The following CSMD1 variants were observed in gnomAD, a reference collection of about 807,000 sequenced individuals.
CSMD1 encodes the protein CUB and Sushi multiple domains 1.
Under a neutral mutation model 417.5 loss-of-function variants are expected in CSMD1, and 213 were observed. The ratio of observed to expected loss-of-function variants is 0.51; its 90% CI spans 0.46 to 0.57. CSMD1 has a LOEUF of 0.57. Ranked by LOEUF, CSMD1 falls within the 20% of genes least tolerant of loss-of-function variation. The pLI is 0.00. For synonymous variants in CSMD1, 2,862 were observed against 1,736.8 expected (o/e 1.65, Z -16.11); for missense variants, 6,923 against 4,529.7 (o/e 1.53, Z -15.17).
intron 1 of CSMD1, among the ~76,000 whole-genome samples, chr8:4,751,067 T>A (rs1440350652): frequency 6.6e-6 from 1 of 152,184 alleles, no homozygotes; most frequent in East Asian, 1.9e-4. Context: ...CAGGTAAAGT[T>A]TGATATACAT....
intron 3 of CSMD1, among the ~76,000 whole-genome samples, chr8:4,074,201 A>T (rs568066877): frequency 2.0e-5 from 3 of 152,218 alleles, no homozygotes; most frequent in African/African-American, 4.8e-5. Flanking sequence ...TCACTATGCT[A>T]AATTGTACAC....
intron 7 of CSMD1, among the ~76,000 whole-genome samples, chr8:3,624,592 G>A (rs1321315602): frequency 6.6e-6 from 1 of 152,146 alleles, no homozygotes; most frequent in Non-Finnish European, 1.5e-5. Flanking sequence ...TCAGAGAGGT[G>A]ACGTATGTTT....
At chr8:4,220,162 G>C (rs1477362204) in intron 3 of CSMD1, among the ~76,000 whole-genome samples, 1 of 152,220 alleles carries the variant, frequency 6.6e-6, no homozygotes, top group African/African-American at 2.4e-5. Context: ...TGTCGGCCAA[G>C]CTCGTCTTGA....
At chr8:3,139,780 A>G (rs910411409) in intron 41 of CSMD1, among the ~76,000 whole-genome samples, 3 of 152,182 alleles carry the variant, frequency 2.0e-5, no homozygotes, top group Non-Finnish European at 4.4e-5. Context: ...TTTCATGGAT[A>G]GTAGCTGAAA....
Position 3,900,530 on chromosome 8 carries a change from G to T in CSMD1, c.818+97373C>A, listed in dbSNP as rs539653049. Reference sequence around the variant, plus strand: ...GTAGAGCTGGATGACACTACAGCTGGGTGACAGTGAAGCTAGGTGACAGTG... The same window carrying T: ...GTAGAGCTGGATGACACTACAGCTGTGTGACAGTGAAGCTAGGTGACAGTG... On this transcript the variant is annotated intron_variant, in intron 5 of 69. Coordinates refer to ENST00000635120, the MANE Select transcript of CSMD1 (RefSeq NM_033225.6). Among the ~76,000 whole-genome samples the T allele has an allele frequency of 2.5e-3, 354 of 141,012 alleles. 1 individual carries two copies. Among genetic ancestry groups the T allele is most frequent in the African/African-American group, 0.011 (337 of 30,964 alleles). The allele number at this position is 141,012 out of a possible 152,430, so 92.5% of individuals were successfully genotyped here.
Position 4,600,287 on chromosome 8 carries a change from T to C in CSMD1, c.302+37055A>G, listed in dbSNP as rs144295959. Among the ~76,000 whole-genome samples the C allele has an allele frequency of 2.1e-3, 316 of 152,178 alleles. 1 individual carries two copies. The highest frequency in any genetic ancestry group is 3.5e-3 in the Non-Finnish European group (236 of 67,988). On this transcript the variant is annotated intron_variant, in intron 2 of 69. Transcript: ENST00000635120. ...CTGGATTTGACTTCCAGGTTGACCT[T>C]AGGTACTCTATGTAGCAAATATAGA...
intron 3 of CSMD1, among the ~76,000 whole-genome samples, chr8:4,174,533 C>A (rs1359904168): frequency 6.6e-6 from 1 of 150,694 alleles, no homozygotes; most frequent in Admixed American, 6.6e-5. Context: ...CCATGTCCAC[C>A]CACCTCTCAA....
intron 3 of CSMD1, among the ~76,000 whole-genome samples, chr8:4,070,652 C>T (rs112866541): frequency 9.8e-4 from 149 of 152,184 alleles, no homozygotes; most frequent in African/African-American, 3.2e-3. Context: ...CCACCGTGCC[C>T]GGCCACCACC....
At chr8:4,217,007 T>C (rs868446449) in intron 3 of CSMD1, among the ~76,000 whole-genome samples, 2 of 152,172 alleles carry the variant, frequency 1.3e-5, no homozygotes, top group South Asian at 2.1e-4. Context: ...ACTAGAATTG[T>C]CTTGTGTCTC....
In CSMD1 at chr8:4,303,452, T is replaced by G. The variant is rs1204779194; in HGVS notation, c.415+116501A>C. Reference sequence around the variant, plus strand: ...TTTTTTTTTTTTTTTTTTTTTTTTTTTTTTGAGTTCTCTGTGCTGAGCTCA... The same window carrying G: ...TTTTTTTTTTTTTTTTTTTTTTTTTGTTTTGAGTTCTCTGTGCTGAGCTCA... On this transcript the variant is annotated intron_variant, in intron 3 of 69. Transcript: ENST00000635120. Among the ~76,000 whole-genome samples, 10 of 27,012 alleles carry G rather than the reference T, an allele frequency of 3.7e-4. No homozygotes were observed. The Admixed American group carries it at 4.5e-3, about 12-fold the overall frequency. 17.7% of individuals were successfully genotyped at this position (27,012 alleles called of 152,430 possible).
At chr8:3,113,304 C>T (rs1419820354) in intron 42 of CSMD1, 1 of 152,262 alleles carries the variant, frequency 6.6e-6, no homozygotes, top group Non-Finnish European at 1.5e-5. Flanking sequence ...AGGCTACACT[C>T]CCTCCACTCT....
intron 62 of CSMD1, 114 bp downstream of exon 62, chr8:2,961,027 C>A (rs1803429706): frequency 2.3e-6 from 1 of 427,096 alleles, no homozygotes; most frequent in Non-Finnish European, 3.7e-6. Context: ...GAATTTTATT[C>A]AGGTAAATAT....
At chr8:4,941,455 T>G (rs1563823839) in intron 1 of CSMD1, among the ~76,000 whole-genome samples, 1 of 152,186 alleles carries the variant, frequency 6.6e-6, no homozygotes, top group African/African-American at 2.4e-5. Flanking sequence ...GTACAACAAG[T>G]GTGCCACAAT....
intron 5 of CSMD1, among the ~76,000 whole-genome samples, chr8:3,968,884 A>G (rs2130058149): frequency 6.6e-6 from 1 of 152,326 alleles, no homozygotes; most frequent in Admixed American, 6.5e-5. Flanking sequence ...TGCAAGAAAG[A>G]TTCATGTAAT....
At chr8:4,126,445 T>C (rs771577378) in intron 3 of CSMD1, among the ~76,000 whole-genome samples, 21 of 152,076 alleles carry the variant, frequency 1.4e-4, no homozygotes, top group East Asian at 3.9e-4. Flanking sequence ...CAAACCAACA[T>C]AGTAACATAG....
chr8:4,425,009 A>C (rs948611605), intron 2 of CSMD1, among the ~76,000 whole-genome samples: 8 of 152,094 alleles, frequency 5.3e-5, no homozygotes, highest in African/African-American at 1.9e-4. Context: ...TTAATAACAA[A>C]ACATTAAATT....
At chr8:4,314,030 T>G (rs924370793) in intron 3 of CSMD1, among the ~76,000 whole-genome samples, 1 of 150,586 alleles carries the variant, frequency 6.6e-6, no homozygotes, top group Admixed American at 6.6e-5. Context: ...ATAATAATAA[T>G]AATAATGATA....
rs1046849054 is a variant in CSMD1 at position 4,628,341 on chromosome 8, C to CAT, written c.302+8999_302+9000dup. ...GTTTTAGGAAGTCCAATTTTTCACT[C>CAT]ATATATATATACTTCTATGTATGTG... On this transcript the variant is annotated intron_variant, in intron 2 of 69. Transcript: ENST00000635120. Among the ~76,000 whole-genome samples the CAT allele has an allele frequency of 4.7e-5, 7 of 149,768 alleles. No individual in the cohort carries two copies. The South Asian group carries it at 6.3e-4, about 13-fold the overall frequency.
At chr8:4,266,181 C>G (rs1453225758) in intron 3 of CSMD1, among the ~76,000 whole-genome samples, 1 of 104,604 alleles carries the variant, frequency 9.6e-6, no homozygotes, top group African/African-American at 2.6e-5. Flanking sequence ...CAGTGTTATT[C>G]ACCAAGTTGG....
Sources: allele counts gnomAD v4.1 joint callset (sites outside exome capture counted in the v4.1 genomes callset), GRCh38; gene constraint gnomAD v4.1.1; transcripts MANE v1.5; gene names NCBI Gene and HGNC (gene_info 2026-07-23, HGNC 2026-07-21).